Variants in ASPRV1 observed in about 807,000 individuals in gnomAD.
ASPRV1 encodes the protein retroviral-like aspartic protease 1.
In ASPRV1, 7 loss-of-function variants were observed where a neutral mutation model predicts 11.0. That is an observed-to-expected ratio of 0.64 (90% CI 0.36 to 1.20). ASPRV1 has a LOEUF of 1.20. Among genes scored for constraint, ASPRV1 ranks in the 50% most tolerant of loss-of-function variants. ASPRV1 has a pLI of 0.02. For missense variants in ASPRV1, 299 were observed against 320.0 expected (o/e 0.93, Z 0.50); for synonymous variants, 136 against 138.4 (o/e 0.98, Z 0.12).
At chr2:70,054,757 CCT>C in the ASPRV1 span, among the ~76,000 whole-genome samples, 1 of 152,018 alleles carries the variant, frequency 6.6e-6, no homozygotes, top group African/African-American at 2.4e-5. Context: ...CACATCTCCC[CCT>C]TTTTGGTTCC....
the ASPRV1 span, among the ~76,000 whole-genome samples, chr2:69,948,644 G>C: frequency 6.6e-6 from 1 of 152,162 alleles, no homozygotes; most frequent in Non-Finnish European, 1.5e-5. Context: ...GGAGGAAAGG[G>C]GGCTGGCTGC....
At chr2:69,966,687 G>C in the ASPRV1 span, among the ~76,000 whole-genome samples, 2 of 152,334 alleles carry the variant, frequency 1.3e-5, no homozygotes, top group Admixed American at 6.5e-5. Context: ...TGAACACATA[G>C]AGGGCTTCTG....
the ASPRV1 span, among the ~76,000 whole-genome samples, chr2:69,983,457 G>A: frequency 6.6e-6 from 1 of 152,220 alleles, no homozygotes; most frequent in Non-Finnish European, 1.5e-5. Flanking sequence ...TTTGGCCTGG[G>A]ACTCTCAGGG....
the ASPRV1 span, chr2:70,086,392 T>TTAGCCC: frequency 4.5e-4 from 69 of 152,406 alleles, no homozygotes; most frequent in African/African-American, 1.6e-3. Context: ...CTGGTCTGGC[T>TTAGCCC]TAGCCCAAGG....
chr2:69,969,231 C>T, the ASPRV1 span, among the ~76,000 whole-genome samples: 1 of 152,120 alleles, frequency 6.6e-6, no homozygotes, highest in Admixed American at 6.5e-5. Context: ...GGAAGGGGTG[C>T]CCCTTTCTAA....
chr2:69,968,297 C>T, the ASPRV1 span: 1 of 152,072 alleles, frequency 6.6e-6, no homozygotes, highest in African/African-American at 2.4e-5. Context: ...CTTTGGGAGG[C>T]CAAGGTGGGT....
At chr2:70,037,016 T>C in the ASPRV1 span, among the ~76,000 whole-genome samples, 5 of 152,134 alleles carry the variant, frequency 3.3e-5, no homozygotes, top group Non-Finnish European at 5.9e-5. Flanking sequence ...CTGTCAAAGG[T>C]GCCAAATCTA....
chr2:69,982,666 A>T, the ASPRV1 span, among the ~76,000 whole-genome samples: 3 of 152,212 alleles, frequency 2.0e-5, no homozygotes, highest in African/African-American at 7.2e-5. Context: ...GGGCACTAGG[A>T]GTCGTCAAGC....
At chr2:70,038,131 T>C in the ASPRV1 span, among the ~76,000 whole-genome samples, 2 of 152,192 alleles carry the variant, frequency 1.3e-5, no homozygotes, top group African/African-American at 4.8e-5. Flanking sequence ...GATCCTTCAA[T>C]GTAAAACCAT....
the ASPRV1 span, chr2:70,087,125 G>C: frequency 2.0e-5 from 3 of 152,002 alleles, no homozygotes; most frequent in African/African-American, 7.3e-5. Flanking sequence ...TGCAGTTTCC[G>C]CCGGGGCTGC....
the ASPRV1 span, among the ~76,000 whole-genome samples, chr2:69,979,866 T>C: frequency 3.9e-5 from 6 of 152,298 alleles, no homozygotes; most frequent in South Asian, 2.1e-4. Context: ...CTTCACCACA[T>C]TGCTCTCTAC....
At chr2:70,000,810 A>G in the ASPRV1 span, among the ~76,000 whole-genome samples, 1 of 149,596 alleles carries the variant, frequency 6.7e-6, no homozygotes, top group Non-Finnish European at 1.5e-5. Context: ...AAAAAAAAAA[A>G]AAAAAAAGAA....
At chr2:69,985,255 T>C in the ASPRV1 span, among the ~76,000 whole-genome samples, 1 of 152,016 alleles carries the variant, frequency 6.6e-6, no homozygotes, top group South Asian at 2.1e-4. Flanking sequence ...CTTCCTTCCC[T>C]TTTTTCTCTT....
At position 69,961,221 on chromosome 2, in the gene ASPRV1, C is replaced by G. The variant is rs757820035; in HGVS notation, c.216G>C (p.Gln72His). Residue 72 changes from glutamine (Q) to histidine (H), a missense_variant, in exon 1 of 1, where the codon CAG becomes CAC. By Grantham distance (24) the Gln-to-His change is conservative (BLOSUM62 0). Coordinates refer to ENST00000320256, the MANE Select transcript of ASPRV1 (RefSeq NM_152792.4). ...ALGVYNRLSP[Q>H]DQGDYGTVKE... ...TCACAGTCCCATAGTCTCCCTGGTC[C>G]TGGGGACTGAGCCTATTGTAGACAC... 6.2e-7 allele frequency: 1 copy of G among 1,614,070 alleles called. No individual in the cohort carries two copies. The highest frequency in any genetic ancestry group is 1.1e-5 in the South Asian group (1 of 91,074).
the ASPRV1 span, among the ~76,000 whole-genome samples, chr2:70,082,121 C>T: frequency 2.0e-5 from 3 of 151,666 alleles, no homozygotes; most frequent in Middle Eastern, 3.2e-3. Flanking sequence ...ATTACAGGCA[C>T]GCACCATCAC....
chr2:69,958,657 G>A (rs1389761943), downstream of ASPRV1, among the ~76,000 whole-genome samples: 2 of 152,162 alleles, frequency 1.3e-5, no homozygotes, highest in African/African-American at 4.8e-5. Context: ...AAGTCACAGG[G>A]AGGTGCCACC....
At chr2:70,008,527 A>G in the ASPRV1 span, among the ~76,000 whole-genome samples, 44 of 152,020 alleles carry the variant, frequency 2.9e-4, no homozygotes, top group Non-Finnish European at 6.0e-4. Flanking sequence ...GGCCTAGTCC[A>G]ACCTTGTCCA....
the ASPRV1 span, among the ~76,000 whole-genome samples, chr2:69,948,097 A>AAAAG: frequency 1.3e-5 from 2 of 151,804 alleles, no homozygotes; most frequent in East Asian, 3.9e-4. Flanking sequence ...AAAAAAAAAA[A>AAAAG]ATTAGCCGAG....
At chr2:70,023,868 A>G in the ASPRV1 span, among the ~76,000 whole-genome samples, 2 of 152,126 alleles carry the variant, frequency 1.3e-5, no homozygotes, top group East Asian at 3.8e-4. Context: ...AATATTAGAA[A>G]GAAAAAGTTA....
Sources: allele counts gnomAD v4.1 joint callset (sites outside exome capture counted in the v4.1 genomes callset), GRCh38; gene constraint gnomAD v4.1.1; transcripts MANE v1.5; gene names NCBI Gene and HGNC (gene_info 2026-07-23, HGNC 2026-07-21).